NKAIN2: variants seen among roughly 807,000 people sequenced by gnomAD.
The protein encoded by NKAIN2 is sodium/potassium transporting ATPase interacting 2.
Under a neutral mutation model 32.6 loss-of-function variants are expected in NKAIN2, and 14 were observed. That is an observed-to-expected ratio of 0.43 (90% confidence interval 0.28 to 0.67). The LOEUF is 0.67. Among genes scored for constraint, NKAIN2 ranks in the 30% least tolerant of loss-of-function variants. The pLI, the probability that NKAIN2 is intolerant of heterozygous loss-of-function variation, is 0.17. For synonymous variants in NKAIN2, 80 were observed against 87.2 expected (o/e 0.92, Z 0.46); for missense variants, 198 against 258.3 (o/e 0.77, Z 1.60).
chr6:124,803,718 CTA>C (rs1311542659), intron 5 of NKAIN2, among the ~76,000 whole-genome samples: 1 of 152,148 alleles, frequency 6.6e-6, no homozygotes, highest in African/African-American at 2.4e-5. Flanking sequence ...TTTTGTCACT[CTA>C]TATAAAATTT....
chr6:124,560,891 C>A (rs1176303862), intron 3 of NKAIN2, among the ~76,000 whole-genome samples: 1 of 152,144 alleles, frequency 6.6e-6, no homozygotes, highest in East Asian at 1.9e-4. Flanking sequence ...AAAACTTTCA[C>A]CTCCTAAATG....
chr6:124,572,875 C>G (rs1781180729), intron 3 of NKAIN2, among the ~76,000 whole-genome samples: 1 of 152,014 alleles, frequency 6.6e-6, no homozygotes, highest in East Asian at 1.9e-4. Flanking sequence ...GAGTCTTGCT[C>G]TGTTGCCCAA....
intron 1 of NKAIN2, among the ~76,000 whole-genome samples, chr6:124,165,574 A>C (rs1406274272): frequency 6.6e-6 from 1 of 151,626 alleles, no homozygotes; most frequent in African/African-American, 2.4e-5. Flanking sequence ...GTGCAGGTTA[A>C]TTACATATAT....
intron 3 of NKAIN2, among the ~76,000 whole-genome samples, chr6:124,586,314 C>T (rs933523571): frequency 6.6e-6 from 1 of 152,178 alleles, no homozygotes; most frequent in Non-Finnish European, 1.5e-5. Context: ...CATATTGGTA[C>T]AGCCACTTTG....
chr6:123,888,434 G>C (rs912180229), intron 1 of NKAIN2, among the ~76,000 whole-genome samples: 6 of 152,210 alleles, frequency 3.9e-5, no homozygotes, highest in Admixed American at 2.0e-4. Context: ...TTAAGTCTTA[G>C]AAAATGTACA....
chr6:124,226,000 T>G (rs568012743), intron 1 of NKAIN2, among the ~76,000 whole-genome samples: 12 of 152,146 alleles, frequency 7.9e-5, no homozygotes, highest in African/African-American at 2.9e-4. Flanking sequence ...GGCCTTCTGT[T>G]TACTATAAAA....
chr6:124,637,757 A>G (rs1783828170), intron 3 of NKAIN2, among the ~76,000 whole-genome samples: 1 of 152,098 alleles, frequency 6.6e-6, no homozygotes, highest in Non-Finnish European at 1.5e-5. Context: ...TTAAAAAATT[A>G]AAGAGGACCC....
At position 124,809,597 on chromosome 6, in the gene NKAIN2, C is replaced by G. The variant is rs1033469143; in HGVS notation, c.536-8790C>G. 2.2e-3 allele frequency among the ~76,000 whole-genome samples: 321 copies of G among 146,154 alleles called. 1 individual carries two copies. Among genetic ancestry groups the G allele is most frequent in the South Asian group, 9.6e-3 (42 of 4,386 alleles). On this transcript the variant is annotated intron_variant, in intron 5 of 6. Coordinates refer to ENST00000368417, the MANE Select transcript of NKAIN2 (RefSeq NM_001040214.3). ...GGCAAGGACTTCATGTCTAAAACAC[C>G]AAAAGCAATGGCAACCAAAGCCAAA...
chr6:124,735,156 C>A (rs1466953195), intron 4 of NKAIN2, among the ~76,000 whole-genome samples: 1 of 151,918 alleles, frequency 6.6e-6, no homozygotes, highest in Non-Finnish European at 1.5e-5. Flanking sequence ...TCAGGAATTT[C>A]ATTTCTGCAC....
intron 1 of NKAIN2, among the ~76,000 whole-genome samples, chr6:123,911,809 A>ATATATGTG: frequency 9.8e-6 from 1 of 102,012 alleles, no homozygotes; most frequent in African/African-American, 4.7e-5. Flanking sequence ...ATGTATATAT[A>ATATATGTG]TATACACACA....
chr6:124,313,331 C>T (rs1428683261), intron 2 of NKAIN2, among the ~76,000 whole-genome samples: 1 of 152,088 alleles, frequency 6.6e-6, no homozygotes, highest in Non-Finnish European at 1.5e-5. Flanking sequence ...TTATTCCAAT[C>T]ATTGCCTTCG....
At chr6:124,186,224 AGGAAAGAG>A (rs1434637982) in intron 1 of NKAIN2, among the ~76,000 whole-genome samples, 1 of 151,382 alleles carries the variant, frequency 6.6e-6, no homozygotes, top group African/African-American at 2.4e-5. Context: ...GAAGGAAGGA[AGGAAAGAG>A]AGAGAAAGGA....
At position 123,849,949 on chromosome 6, in the gene NKAIN2, G is replaced by GTTTTTTTTTTTTTTTTTTTTTT. The variant is rs777466801; in HGVS notation, c.54+45707_54+45708insTTTTTTTTTTTTTTTTTTTTTT. 5.7e-4 allele frequency among the ~76,000 whole-genome samples: 22 copies of GTTTTTTTTTTTTTTTTTTTTTT among 38,686 alleles called. 1 individual carries two copies. Among genetic ancestry groups the GTTTTTTTTTTTTTTTTTTTTTT allele is most frequent in the African/African-American group, 7.4e-4 (18 of 24,310 alleles). 25.4% of individuals were successfully genotyped at this position (38,686 alleles called of 152,430 possible). A position where few individuals can be genotyped will look rare whatever the true frequency, so the allele number is the denominator to read the frequency against. ...TGGTTTCACTCTGTAACTCAGGCTG[G>GTTTTTTTTTTTTTTTTTTTTTT]TTTTTTTTTTTTGTTTGTTTGTTTT... On this transcript the variant is annotated intron_variant, in intron 1 of 6. Coordinates refer to ENST00000368417, the MANE Select transcript of NKAIN2 (RefSeq NM_001040214.3).
At chr6:124,388,811 G>T (rs1300705968) in intron 3 of NKAIN2, among the ~76,000 whole-genome samples, 1 of 151,954 alleles carries the variant, frequency 6.6e-6, no homozygotes, top group Non-Finnish European at 1.5e-5. Flanking sequence ...AGTATGCCTT[G>T]TATAGTCTAT....
intron 1 of NKAIN2, among the ~76,000 whole-genome samples, chr6:123,912,341 A>G (rs1243752405): frequency 1.3e-5 from 2 of 152,016 alleles, no homozygotes; most frequent in East Asian, 3.8e-4. Flanking sequence ...TGTAATTTGT[A>G]TGTATGTAAT....
At chr6:124,067,841 T>C (rs1291178376) in intron 1 of NKAIN2, among the ~76,000 whole-genome samples, 4 of 152,172 alleles carry the variant, frequency 2.6e-5, no homozygotes, top group Admixed American at 6.5e-5. Flanking sequence ...ATTTAGCAAA[T>C]ATGTATTGGG....
chr6:124,035,697 C>T (rs1781579325), intron 1 of NKAIN2, among the ~76,000 whole-genome samples: 1 of 152,166 alleles, frequency 6.6e-6, no homozygotes, highest in South Asian at 2.1e-4. Context: ...GATTAATTCA[C>T]TCTACTTCTG....
intron 1 of NKAIN2, among the ~76,000 whole-genome samples, chr6:123,896,377 C>T (rs184926403): frequency 3.3e-5 from 5 of 151,874 alleles, no homozygotes; most frequent in South Asian, 4.1e-4. Context: ...AATTTTTGCT[C>T]TCCCTTTATA....
intron 3 of NKAIN2, among the ~76,000 whole-genome samples, chr6:124,644,961 C>A (rs1453693337): frequency 6.6e-6 from 1 of 152,124 alleles, no homozygotes; most frequent in Non-Finnish European, 1.5e-5. Flanking sequence ...ACAGAGACTT[C>A]TTGTTTAAAT....
Sources: allele counts gnomAD v4.1 joint callset (sites outside exome capture counted in the v4.1 genomes callset), GRCh38; gene constraint gnomAD v4.1.1; transcripts MANE v1.5; gene names NCBI Gene and HGNC (gene_info 2026-07-23, HGNC 2026-07-21).